Variants in HACD4 observed in about 807,000 individuals in gnomAD.
HACD4 encodes 3-hydroxyacyl-CoA dehydratase 4.
In HACD4, 35 loss-of-function variants were observed where a neutral mutation model predicts 33.3. The ratio of observed to expected loss-of-function variants is 1.05; its 90% confidence interval spans 0.80 to 1.39. The LOEUF (loss-of-function observed/expected upper bound fraction) is 1.39. Ranked by LOEUF, HACD4 falls within the 40% of genes most tolerant of loss-of-function variation. HACD4 has a pLI of 0.00. For missense variants in HACD4, 323 were observed against 276.5 expected (o/e 1.17, Z -1.19); for synonymous variants, 118 against 98.0 (o/e 1.20, Z -1.21).
intron 1 of HACD4, 170 bp downstream of exon 1, chr9:21,031,380 AGGG>A: frequency 1.2e-6 from 1 of 834,666 alleles, no homozygotes; most frequent in South Asian, 5.4e-5. Flanking sequence ...GGTGGTCAAG[AGGG>A]GTAAGTTAGC....
chr9:21,022,309 G>A (rs1817934653), intron 3 of HACD4, among the ~76,000 whole-genome samples: 2 of 152,160 alleles, frequency 1.3e-5, no homozygotes, highest in African/African-American at 4.8e-5. Flanking sequence ...TCAGGACATA[G>A]GCATGGGCAA....
At chr9:21,029,430 T>C in intron 1 of HACD4, 32 bp from the exon 2 acceptor site, 3 of 1,298,362 alleles carry the variant, frequency 2.3e-6, no homozygotes, top group Non-Finnish European at 3.3e-6. Flanking sequence ...ATTAAACACT[T>C]CTTTTATAAT....
chr9:21,011,836 GT>G (rs967388735), intron 4 of HACD4, 141 bp from the exon 5 acceptor site: 10 of 547,968 alleles, frequency 1.8e-5, no homozygotes, highest in Admixed American at 1.4e-4. Context: ...TTAAGGAAGA[GT>G]TTTTTTTAAA....
chr9:21,023,482 C>T (rs1817980989), intron 3 of HACD4, among the ~76,000 whole-genome samples: 1 of 152,080 alleles, frequency 6.6e-6, no homozygotes. Flanking sequence ...GCTCAACTAG[C>T]TAATCAGTTC....
chr9:21,031,462 T>A (rs565692457), intron 1 of HACD4, 91 bp downstream of exon 1: 1 of 1,338,968 alleles, frequency 7.5e-7, no homozygotes, highest in East Asian at 3.2e-5. Context: ...GGGCGGGGGG[T>A]GCCGCCCGCC....
At position 21,002,159 on chromosome 9, in the gene HACD4, C is replaced by G. The variant is rs1842176375; in HGVS notation, c.*4878G>C. The stretch of plus-strand genomic sequence containing the variant: ...TTTTGAAGTTCAGCTGGCATAAGTC[C>G]AAATTACCTTCCGGATATTAAATGT... On this transcript the variant is annotated 3_prime_UTR_variant, in exon 7 of 7. Coordinates refer to ENST00000495827, the MANE Select transcript of HACD4 (RefSeq NM_001010915.5). 6.6e-6 allele frequency: 1 copy of G among 152,000 alleles called. No homozygotes were observed. The highest frequency in any genetic ancestry group is 1.5e-5 in the Non-Finnish European group (1 of 67,964). The allele number at this position is 152,000 out of a possible 1,614,324, so 9.4% of individuals were successfully genotyped here. A position where few individuals can be genotyped will look rare whatever the true frequency, so the allele number is the denominator to read the frequency against.
chr9:21,019,308 A>G (rs968580790), intron 3 of HACD4, among the ~76,000 whole-genome samples: 1 of 152,144 alleles, frequency 6.6e-6, no homozygotes, highest in Non-Finnish European at 1.5e-5. Context: ...AATGTCTGCT[A>G]CAATATTCAA....
Position 21,030,402 on chromosome 9 carries a change from A to G in HACD4, c.39-1004T>C, listed in dbSNP as rs1471514152. 2.0e-5 allele frequency among the ~76,000 whole-genome samples: 3 copies of G among 152,106 alleles called. No homozygotes were observed. In the East Asian group the frequency reaches 5.8e-4, roughly 29 times the overall value. On this transcript the variant is annotated intron_variant, in intron 1 of 6. Coordinates refer to ENST00000495827, the MANE Select transcript of HACD4 (RefSeq NM_001010915.5). ...GGCTGCAGTGAACCGAGACAGCGCC[A>G]CTGCACTCCAGCCTGGGCGACAGAT...
rs897928353 is a variant in HACD4 at position 21,031,464 on chromosome 9, C to T, written c.38+89G>A. 1.3e-5 allele frequency: 18 copies of T among 1,344,954 alleles called. No individual in the cohort carries two copies. In the South Asian group the frequency reaches 2.6e-4, roughly 19 times the overall value. 83.3% of individuals were successfully genotyped at this position (1,344,954 alleles called of 1,614,324 possible). A position where few individuals can be genotyped will look rare whatever the true frequency, so the allele number is the denominator to read the frequency against. ...GCGCCTTGCTGGCGGGCGGGGGGTG[C>T]CGCCCGCCCGCCCGCCGCAGAGGGG... On this transcript the variant is annotated intron_variant, in intron 1 of 6. Transcript: ENST00000495827.
chr9:21,023,980 CATTTAAAAATGGGGAAACA>C (rs1440475721), intron 3 of HACD4, among the ~76,000 whole-genome samples: 1 of 152,206 alleles, frequency 6.6e-6, no homozygotes, highest in African/African-American at 2.4e-5. Flanking sequence ...ACAGTTTCTT[CATTTAAAAATGGGGAAACA>C]GGAAAACCAA....
intron 2 of HACD4, among the ~76,000 whole-genome samples, chr9:21,027,808 C>T (rs1018172135): frequency 3.3e-5 from 5 of 152,176 alleles, no homozygotes; most frequent in Non-Finnish European, 7.3e-5. Context: ...TAATAAGCTT[C>T]TACAATTGTA....
chr9:21,013,063 T>C (rs1009067755), intron 4 of HACD4, among the ~76,000 whole-genome samples: 3 of 134,698 alleles, frequency 2.2e-5, no homozygotes, highest in African/African-American at 8.4e-5. Flanking sequence ...CAAGACTCCA[T>C]CTCAAAAAAA....
intron 4 of HACD4, 62 bp from the exon 5 acceptor site, chr9:21,011,757 A>G (rs1239494669): frequency 8.8e-6 from 7 of 796,660 alleles, no homozygotes; most frequent in Non-Finnish European, 1.5e-5. Flanking sequence ...AATAGGAGAA[A>G]CTACTGTGTA....
At chr9:21,031,435 C>A in intron 1 of HACD4, 118 bp downstream of exon 1, 2 of 1,340,656 alleles carry the variant, frequency 1.5e-6, no homozygotes, top group Non-Finnish European at 1.9e-6. Context: ...GGCACGGTAG[C>A]GCTGCGCCTT....
intron 1 of HACD4, among the ~76,000 whole-genome samples, chr9:21,029,828 T>TGATCATGCGGCCG (rs1818160803): frequency 6.6e-6 from 1 of 152,188 alleles, no homozygotes; most frequent in Non-Finnish European, 1.5e-5. Context: ...TTTACCTTCC[T>TGATCATGCGGCCG]GATCATGCGG....
Position 21,007,020 on chromosome 9 carries a change from C to T in HACD4, c.*17G>A, listed in dbSNP as rs755841098. 7.1e-7 allele frequency: 1 copy of T among 1,411,336 alleles called. No individual in the cohort carries two copies. Among genetic ancestry groups the T allele is most frequent in the African/African-American group, 1.4e-5 (1 of 70,844 alleles). 87.4% of individuals were successfully genotyped at this position (1,411,336 alleles called of 1,614,324 possible). ...CCACAGCCTGTCTTTTCTCGTGTCA[C>T]ACTGGAATGCTGTACTTCACATCTT... On this transcript the variant is annotated 3_prime_UTR_variant, in exon 7 of 7. Coordinates refer to ENST00000495827, the MANE Select transcript of HACD4 (RefSeq NM_001010915.5).
rs1393991074 is a variant in HACD4 at position 21,016,000 on chromosome 9, C to A, written c.281G>T (p.Arg94Ile). The A allele has an allele frequency of 6.2e-7, 1 of 1,610,406 alleles. No individual in the cohort carries two copies. The highest frequency in any genetic ancestry group is 8.5e-7 in the Non-Finnish European group (1 of 1,177,106). Residue 94 changes from arginine (R) to isoleucine (I), a missense_variant, in exon 4 of 7, where the codon AGA (arginine) becomes ATA (isoleucine). By Grantham distance (97) the Arg-to-Ile change is moderately conservative (BLOSUM62 -3). Transcript: ENST00000495827. ...GATCACCACAAAAAGGATGATTATTCTTTCTGTGAGCTAACAAAGAAACAG... is the reference window on the plus strand; with the variant it reads ...GATCACCACAAAAAGGATGATTATTATTTCTGTGAGCTAACAAAGAAACAG... Reference protein sequence around the residue: ...LLPRFLQLTERIIILFVVITS... With the variant: ...LLPRFLQLTEIIIILFVVITS...
intron 2 of HACD4, among the ~76,000 whole-genome samples, chr9:21,027,490 A>G (rs767784966): frequency 6.6e-6 from 1 of 152,218 alleles, no homozygotes; most frequent in Non-Finnish European, 1.5e-5. Flanking sequence ...ATAATAATTT[A>G]CTGAGCAGTA....
chr9:21,030,287 A>AG (rs1818176685), intron 1 of HACD4, among the ~76,000 whole-genome samples: 1 of 145,404 alleles, frequency 6.9e-6, no homozygotes, highest in Admixed American at 6.8e-5. Flanking sequence ...AAAAAAAAAA[A>AG]GCCGGATGTG....
Sources: allele counts gnomAD v4.1 joint callset (sites outside exome capture counted in the v4.1 genomes callset), GRCh38; gene constraint gnomAD v4.1.1; transcripts MANE v1.5; gene names NCBI Gene and HGNC (gene_info 2026-07-23, HGNC 2026-07-21).